The following LRIF1 variants were observed in gnomAD, a reference collection of about 807,000 sequenced individuals.
LRIF1 encodes the protein ligand dependent nuclear receptor interacting factor 1, also known as ligand-dependent nuclear receptor-interacting factor 1.
A neutral mutation model predicts 52.7 loss-of-function variants in LRIF1; 32 were observed. The ratio of observed to expected loss-of-function variants is 0.61; its 90% CI spans 0.46 to 0.82. The LOEUF (loss-of-function observed/expected upper bound fraction) is 0.82. LRIF1 is among the 40% of genes least tolerant of loss of function. LRIF1 has a pLI of 0.00. For synonymous variants in LRIF1, 323 were observed against 317.4 expected (o/e 1.02, Z -0.19); for missense variants, 887 against 892.0 (o/e 0.99, Z 0.07).
intron 1 of LRIF1, among the ~76,000 whole-genome samples, chr1:110,955,539 G>A (rs1262972620): frequency 6.6e-6 from 1 of 152,162 alleles, no homozygotes; most frequent in Non-Finnish European, 1.5e-5. Flanking sequence ...AGGAACAGAG[G>A]ATTTTAAGAA....
intron 1 of LRIF1, among the ~76,000 whole-genome samples, chr1:110,954,629 G>A (rs577615246): frequency 2.0e-5 from 3 of 152,170 alleles, no homozygotes; most frequent in South Asian, 4.1e-4. Flanking sequence ...CACAAGAAAA[G>A]CACATTTGAC....
At chr1:110,897,039 C>A in the LRIF1 span, among the ~76,000 whole-genome samples, 1 of 152,166 alleles carries the variant, frequency 6.6e-6, no homozygotes, top group Non-Finnish European at 1.5e-5. Context: ...AGAAGTAGGT[C>A]TCCTTATGGT....
chr1:110,899,354 A>G, the LRIF1 span: 1 of 563,652 alleles, frequency 1.8e-6, no homozygotes, highest in Admixed American at 3.2e-5. Flanking sequence ...GGTGTTGGCC[A>G]GGCACATCCC....
the LRIF1 span, chr1:110,891,314 C>G: frequency 1.0e-6 from 1 of 989,568 alleles, no homozygotes. Context: ...TGCTAGAGAT[C>G]CCTGAACATT....
Position 110,951,367 on chromosome 1 carries a change from C to G in LRIF1, c.1517G>C (p.Ser506Thr). Residue 506 changes from serine to threonine, a missense_variant, in exon 2 of 4, where the codon AGC becomes ACC. Ser to Thr is a moderately conservative substitution (Grantham distance 58). Transcript: ENST00000369763. Reference protein sequence around the residue: ...IYARKGSVLQSIEKISSSVDA... With the variant: ...IYARKGSVLQTIEKISSSVDA... ...AACAGAGGAACTTATTTTCTCTATGCTCTGGAGGACACTTCCTTTTCTAGC... is the reference window on the plus strand; with the variant it reads ...AACAGAGGAACTTATTTTCTCTATGGTCTGGAGGACACTTCCTTTTCTAGC... 5 of 1,614,116 alleles carry G rather than the reference C, an allele frequency of 3.1e-6. No individual in the cohort carries two copies. The highest frequency in any genetic ancestry group is 4.2e-6 in the Non-Finnish European group (5 of 1,180,010).
chr1:110,928,287 G>A, the LRIF1 span, among the ~76,000 whole-genome samples: 12 of 152,116 alleles, frequency 7.9e-5, no homozygotes, highest in Admixed American at 7.2e-4. Flanking sequence ...AGCCTTCATT[G>A]CAATTAGAGG....
the LRIF1 span, among the ~76,000 whole-genome samples, chr1:110,932,784 A>G: frequency 2.0e-5 from 3 of 152,188 alleles, no homozygotes; most frequent in African/African-American, 7.2e-5. Context: ...TTTAGCATCC[A>G]TTGGTGAATC....
At chr1:110,909,778 T>A in the LRIF1 span, among the ~76,000 whole-genome samples, 8 of 151,710 alleles carry the variant, frequency 5.3e-5, no homozygotes, top group African/African-American at 1.9e-4. Context: ...ACGGGGTTTC[T>A]CCATGTTGGT....
At chr1:110,950,153 A>G (rs757104201) in intron 2 of LRIF1, 30 bp from the exon 3 acceptor site, 1 of 1,570,200 alleles carries the variant, frequency 6.4e-7, no homozygotes, top group Admixed American at 1.9e-5. Flanking sequence ...ACACACAAAC[A>G]ATACTGCTAA....
the LRIF1 span, among the ~76,000 whole-genome samples, chr1:110,910,051 C>G: frequency 6.6e-6 from 1 of 152,078 alleles, no homozygotes; most frequent in South Asian, 2.1e-4. Context: ...TAGAGACCTA[C>G]CAAGAGACTT....
At chr1:110,911,729 G>A in the LRIF1 span, among the ~76,000 whole-genome samples, 2 of 152,026 alleles carry the variant, frequency 1.3e-5, no homozygotes, top group Admixed American at 6.6e-5. Flanking sequence ...GTGATTCGTC[G>A]CATAAACAGA....
At chr1:110,921,716 T>A in the LRIF1 span, among the ~76,000 whole-genome samples, 2 of 152,220 alleles carry the variant, frequency 1.3e-5, no homozygotes, top group African/African-American at 4.8e-5. Flanking sequence ...GGGATATGTC[T>A]AGCAAACTTT....
chr1:110,950,637 G>C (rs551704047), intron 2 of LRIF1, among the ~76,000 whole-genome samples: 1 of 151,992 alleles, frequency 6.6e-6, no homozygotes, highest in South Asian at 2.1e-4. Context: ...CAAACCTTAA[G>C]TCGAACATAA....
the LRIF1 span, among the ~76,000 whole-genome samples, chr1:110,907,741 C>A: frequency 6.6e-6 from 1 of 152,022 alleles, no homozygotes; most frequent in Non-Finnish European, 1.5e-5. Flanking sequence ...CTCACACACA[C>A]AAAAAAAGTT....
At chr1:110,906,234 A>G in the LRIF1 span, among the ~76,000 whole-genome samples, 2 of 152,204 alleles carry the variant, frequency 1.3e-5, no homozygotes, top group Non-Finnish European at 2.9e-5. Context: ...CTGTATTTCT[A>G]CTTACCAGAA....
chr1:110,951,204 G>T, intron 2 of LRIF1, 84 bp downstream of exon 2: 1 of 1,102,066 alleles, frequency 9.1e-7, no homozygotes, highest in East Asian at 2.5e-5. Context: ...GGGGAAAGAG[G>T]TATCATAGAT....
At chr1:110,877,399 A>C in the LRIF1 span, among the ~76,000 whole-genome samples, 4 of 152,190 alleles carry the variant, frequency 2.6e-5, no homozygotes, top group Non-Finnish European at 5.9e-5. Context: ...CCCCGTATGT[A>C]AAGTTCTGCA....
intron 1 of LRIF1, among the ~76,000 whole-genome samples, chr1:110,954,408 G>C (rs1367962497): frequency 6.6e-6 from 1 of 152,058 alleles, no homozygotes; most frequent in Non-Finnish European, 1.5e-5. Context: ...AGCTTCTCAA[G>C]TAGCTGAGAC....
At chr1:110,894,860 G>C in the LRIF1 span, 3 of 848,330 alleles carry the variant, frequency 3.5e-6, no homozygotes, top group African/African-American at 4.9e-5. Context: ...CATTTGGAAG[G>C]GAAGCGCAAG....
Sources: allele counts gnomAD v4.1 joint callset (sites outside exome capture counted in the v4.1 genomes callset), GRCh38; gene constraint gnomAD v4.1.1; transcripts MANE v1.5; gene names NCBI Gene and HGNC (gene_info 2026-07-23, HGNC 2026-07-21).